PATJ: variants seen among roughly 807,000 people sequenced by gnomAD.
PATJ encodes the protein PATJ crumbs cell polarity complex component.
PATJ carries 190 observed loss-of-function variants against 224.9 expected under a neutral mutation model. The ratio of observed to expected loss-of-function variants is 0.84; its 90% confidence interval spans 0.75 to 0.95. PATJ has a LOEUF of 0.95. Among genes scored for constraint, PATJ ranks in the 40% least tolerant of loss-of-function variants. The probability of loss-of-function intolerance (pLI) is 0.00; values close to 1 mark genes in which losing one functional copy is unlikely to be tolerated. For missense variants in PATJ, 2,121 were observed against 2,270.3 expected (o/e 0.93, Z 1.34); for synonymous variants, 769 against 820.3 (o/e 0.94, Z 1.07).
At chr1:62,134,403 T>C (rs149413848) in intron 41 of PATJ, among the ~76,000 whole-genome samples, 2,596 of 144,928 alleles carry the variant, frequency 0.018, 78 homozygotes, top group African/African-American at 0.062. Context: ...TGGAGTGCAA[T>C]GGCGTGATCC....
intron 39 of PATJ, among the ~76,000 whole-genome samples, chr1:62,127,225 G>T (rs1198099672): frequency 6.6e-6 from 1 of 152,134 alleles, no homozygotes; most frequent in African/African-American, 2.4e-5. Context: ...AATAACAGGG[G>T]TGACACACAG....
intron 34 of PATJ, among the ~76,000 whole-genome samples, chr1:62,110,901 A>G (rs911519827): frequency 1.5e-4 from 23 of 152,094 alleles, no homozygotes; most frequent in African/African-American, 5.1e-4. Flanking sequence ...TCTACAGCCA[A>G]TGTTCTAAAT....
Position 61,987,405 on chromosome 1 carries a change from T to A in PATJ, c.3671-2763T>A, listed in dbSNP as rs532528488. Among the ~76,000 whole-genome samples, 72 of 149,132 alleles carry A rather than the reference T, an allele frequency of 4.8e-4. 1 individual carries two copies. The highest frequency in any genetic ancestry group is 1.6e-3 in the African/African-American group (66 of 41,248). On this transcript the variant is annotated intron_variant, in intron 27 of 43. Coordinates refer to ENST00000642238, the MANE Select transcript of PATJ (RefSeq NM_001350145.3). ...GTTAAAGTTATCAACATCTTTTTTT[T>A]TAAAAAAAAGATGCCTTATTACTTT...
At chr1:61,845,926 C>T (rs1570860422) in intron 17 of PATJ, 1 of 152,244 alleles carries the variant, frequency 6.6e-6, no homozygotes, top group African/African-American at 2.4e-5. Flanking sequence ...ATAGATTCAA[C>T]CCTGTGTTTT....
Position 62,163,535 on chromosome 1 carries a change from T to C in PATJ, c.*2481T>C, listed in dbSNP as rs1416081872. 5 of 152,640 alleles carry C rather than the reference T, an allele frequency of 3.3e-5. No individual in the cohort carries two copies. The allele number at this position is 152,640 out of a possible 1,614,324, so 9.5% of individuals were successfully genotyped here. ...TGTTGTGGTGTTTCTTTATACATTATCCTTTTAGGTCGTGCTAGTAAAAGT... is the reference window on the plus strand; with the variant it reads ...TGTTGTGGTGTTTCTTTATACATTACCCTTTTAGGTCGTGCTAGTAAAAGT... On this transcript the variant is annotated 3_prime_UTR_variant, in exon 44 of 44. Transcript: ENST00000642238.
intron 22 of PATJ, among the ~76,000 whole-genome samples, chr1:61,885,262 T>G (rs1668652002): frequency 6.6e-6 from 1 of 151,736 alleles, no homozygotes; most frequent in Non-Finnish European, 1.5e-5. Flanking sequence ...TGGGAGAAAA[T>G]TTTCGCAACC....
chr1:61,894,151 G>A (rs1336111641), intron 22 of PATJ, among the ~76,000 whole-genome samples: 1 of 152,002 alleles, frequency 6.6e-6, no homozygotes, highest in Non-Finnish European at 1.5e-5. Context: ...CTACTCGGGA[G>A]GCTGAGGCAG....
At chr1:61,871,821 C>T (rs1303734296) in intron 20 of PATJ, among the ~76,000 whole-genome samples, 1 of 150,830 alleles carries the variant, frequency 6.6e-6, no homozygotes, top group Non-Finnish European at 1.5e-5. Context: ...ACCCTGGCCT[C>T]CCAAAGTGCT....
At chr1:61,946,429 C>A (rs1571433004) in intron 27 of PATJ, among the ~76,000 whole-genome samples, 1 of 152,270 alleles carries the variant, frequency 6.6e-6, no homozygotes, top group East Asian at 1.9e-4. Flanking sequence ...TCAGAGAATA[C>A]TATAAACACC....
intron 29 of PATJ, among the ~76,000 whole-genome samples, chr1:62,022,908 G>A (rs1194926437): frequency 6.6e-6 from 1 of 152,134 alleles, no homozygotes; most frequent in East Asian, 1.9e-4. Flanking sequence ...CCATATCCCT[G>A]AAAGATGATA....
intron 27 of PATJ, among the ~76,000 whole-genome samples, chr1:61,979,962 T>C (rs1644362190): frequency 6.6e-6 from 1 of 152,046 alleles, no homozygotes; most frequent in African/African-American, 2.4e-5. Context: ...ATGAAGGTCT[T>C]ATCACCTGCT....
chr1:61,934,905 A>G (rs1002392306), intron 27 of PATJ, among the ~76,000 whole-genome samples: 1 of 152,130 alleles, frequency 6.6e-6, no homozygotes, highest in Admixed American at 6.5e-5. Flanking sequence ...CCATCCACCT[A>G]GTTTCGGAGC....
chr1:61,979,836 G>A (rs1243393147), intron 27 of PATJ, among the ~76,000 whole-genome samples: 1 of 151,938 alleles, frequency 6.6e-6, no homozygotes, highest in African/African-American at 2.4e-5. Flanking sequence ...ATGATCTAAT[G>A]GTAACGAACT....
chr1:61,829,389 G>A (rs572123255), intron 16 of PATJ, among the ~76,000 whole-genome samples: 1 of 152,272 alleles, frequency 6.6e-6, no homozygotes, highest in East Asian at 1.9e-4. Flanking sequence ...ATGAAATATG[G>A]GTGGTGGCTT....
chr1:62,080,769 T>C (rs1659165628), intron 32 of PATJ, among the ~76,000 whole-genome samples: 1 of 149,308 alleles, frequency 6.7e-6, no homozygotes, highest in Non-Finnish European at 1.5e-5. Flanking sequence ...ATATATTTTT[T>C]CATAAATATT....
At chr1:62,113,695 A>G (rs1664118369) in intron 34 of PATJ, among the ~76,000 whole-genome samples, 2 of 152,210 alleles carry the variant, frequency 1.3e-5, no homozygotes, top group Admixed American at 6.5e-5. Flanking sequence ...AACTGAATCT[A>G]AAAATGCTGA....
At position 61,801,910 on chromosome 1, in the gene PATJ, T is replaced by A. The variant is rs1242593010; in HGVS notation, c.1549+141T>A. On this transcript the variant is annotated intron_variant, in intron 12 of 43. Coordinates refer to ENST00000642238, the MANE Select transcript of PATJ (RefSeq NM_001350145.3). The stretch of plus-strand genomic sequence containing the variant: ...GGATATTCTTAATATCAACTTTTTT[T>A]TTGAGACAGAGTTTCTTTTTTTTTT... 2.0e-5 allele frequency: 11 copies of A among 542,658 alleles called. 1 individual carries two copies. Among genetic ancestry groups the A allele is most frequent in the Non-Finnish European group, 3.4e-5 (11 of 325,170 alleles). The allele number at this position is 542,658 out of a possible 1,614,324, so 33.6% of individuals were successfully genotyped here.
At chr1:61,752,803 G>A (rs567454430) in intron 1 of PATJ, among the ~76,000 whole-genome samples, 2 of 152,108 alleles carry the variant, frequency 1.3e-5, no homozygotes, top group African/African-American at 4.8e-5. Context: ...CAAACTGTCA[G>A]GATTGTTCTG....
intron 29 of PATJ, among the ~76,000 whole-genome samples, chr1:62,020,439 A>G (rs1350480959): frequency 1.3e-5 from 2 of 152,182 alleles, no homozygotes; most frequent in African/African-American, 4.8e-5. Flanking sequence ...AATAGAGTCC[A>G]AAGGAAATAA....
Sources: allele counts gnomAD v4.1 joint callset (sites outside exome capture counted in the v4.1 genomes callset), GRCh38; gene constraint gnomAD v4.1.1; transcripts MANE v1.5; gene names NCBI Gene and HGNC (gene_info 2026-07-23, HGNC 2026-07-21).